NAPEPLD: variants seen among roughly 807,000 people sequenced by gnomAD.
The protein encoded by NAPEPLD is N-acyl phosphatidylethanolamine phospholipase D, also known as N-acyl-phosphatidylethanolamine-hydrolyzing phospholipase D.
In NAPEPLD, 23 loss-of-function variants were observed where a neutral mutation model predicts 38.1. That is an observed-to-expected ratio of 0.60 (90% CI 0.43 to 0.86). The LOEUF (loss-of-function observed/expected upper bound fraction) is 0.86. Among genes scored for constraint, NAPEPLD ranks in the 40% least tolerant of loss-of-function variants. The pLI, the probability that NAPEPLD is intolerant of heterozygous loss-of-function variation, is 0.00. For missense variants in NAPEPLD, 411 were observed against 476.8 expected, an observed-to-expected ratio of 0.86 and a Z score of 1.28; for synonymous variants, 147 against 162.0, an observed-to-expected ratio of 0.91 and a Z score of 0.71.
intron 4 of NAPEPLD, among the ~76,000 whole-genome samples, chr7:103,108,373 C>T (rs1803835127): frequency 6.6e-6 from 1 of 152,106 alleles, no homozygotes; most frequent in Non-Finnish European, 1.5e-5. Context: ...GAACTCCTGA[C>T]CTCATGATCT....
At chr7:103,107,963 T>A (rs1669591963) in intron 4 of NAPEPLD, among the ~76,000 whole-genome samples, 1 of 151,282 alleles carries the variant, frequency 6.6e-6, no homozygotes, top group African/African-American at 2.4e-5. Context: ...TCATCAAGGG[T>A]GAAATGAAGG....
chr7:103,144,348 T>C (rs768781754), intron 1 of NAPEPLD, among the ~76,000 whole-genome samples: 5 of 152,246 alleles, frequency 3.3e-5, no homozygotes, highest in Non-Finnish European at 7.3e-5. Context: ...TAAAAGGTAC[T>C]TGGGAGATGC....
At chr7:103,135,743 CTATA>C (rs10558828) in intron 1 of NAPEPLD, among the ~76,000 whole-genome samples, 55 of 149,638 alleles carry the variant, frequency 3.7e-4, no homozygotes, top group Middle Eastern at 3.4e-3. Flanking sequence ...ACATATAAAT[CTATA>C]TATATATATA....
intron 1 of NAPEPLD, among the ~76,000 whole-genome samples, chr7:103,138,126 C>T (rs371533188): frequency 2.0e-5 from 3 of 151,756 alleles, no homozygotes; most frequent in Admixed American, 6.6e-5. Context: ...TACAGGCATG[C>T]GCCACCAAGC....
intron 1 of NAPEPLD, among the ~76,000 whole-genome samples, chr7:103,145,616 AGGT>A (rs1812375107): frequency 6.6e-6 from 1 of 152,256 alleles, no homozygotes; most frequent in Non-Finnish European, 1.5e-5. Flanking sequence ...ATTCCCTCTA[AGGT>A]CCCTTCCAAC....
chr7:103,130,883 T>C (rs1002606002), intron 1 of NAPEPLD, among the ~76,000 whole-genome samples: 1 of 152,148 alleles, frequency 6.6e-6, no homozygotes, highest in Non-Finnish European at 1.5e-5. Context: ...TATAGCTAAA[T>C]TCTTTAAGTT....
chr7:103,103,262 C>T lies in NAPEPLD; in HGVS notation c.*167G>A. On this transcript the variant is annotated 3_prime_UTR_variant, in exon 5 of 5. Coordinates refer to ENST00000465647, the MANE Select transcript of NAPEPLD (RefSeq NM_001122838.3). ...TGAACCCTCTCATAGTGTACATGAG[C>T]TGATCATACTAGGAAGCAAGTTATT... The T allele has an allele frequency of 5.5e-6, 4 of 724,946 alleles. No homozygotes were observed. Among genetic ancestry groups the T allele is most frequent in the Non-Finnish European group, 8.6e-6 (4 of 463,800 alleles). 44.9% of individuals were successfully genotyped at this position (724,946 alleles called of 1,614,324 possible).
intron 4 of NAPEPLD, among the ~76,000 whole-genome samples, chr7:103,113,627 T>C (rs1804981439): frequency 4.9e-5 from 1 of 20,410 alleles, no homozygotes; most frequent in Admixed American, 1.0e-3. Context: ...AGAGTCTCAC[T>C]TTTTTTTTTT....
intron 4 of NAPEPLD, among the ~76,000 whole-genome samples, chr7:103,113,295 T>G (rs1804892683): frequency 6.6e-6 from 1 of 152,218 alleles, no homozygotes; most frequent in African/African-American, 2.4e-5. Context: ...ACCCTATGGT[T>G]AGTCATTATT....
At chr7:103,124,810 C>T (rs900177968) in intron 2 of NAPEPLD, among the ~76,000 whole-genome samples, 1 of 152,174 alleles carries the variant, frequency 6.6e-6, no homozygotes, top group African/African-American at 2.4e-5. Flanking sequence ...ACTGGGGTCA[C>T]TAAGAAATTT....
chr7:103,118,499 G>A (rs1333859987), intron 3 of NAPEPLD, among the ~76,000 whole-genome samples: 1 of 152,160 alleles, frequency 6.6e-6, no homozygotes, highest in Non-Finnish European at 1.5e-5. Flanking sequence ...TTTAGTGAAT[G>A]TAAAAATTTA....
chr7:103,120,011 C>T lies in NAPEPLD; in HGVS notation c.507G>A (p.Pro169=), dbSNP rs552610760. 50 of 1,614,110 alleles carry T rather than the reference C, an allele frequency of 3.1e-5. No individual in the cohort carries two copies. Among genetic ancestry groups the T allele is most frequent in the South Asian group, 2.9e-4 (26 of 91,078 alleles). The change falls in exon 3 of 5, where the codon CCG becomes CCA. Residue 169 remains proline (P), a synonymous_variant. Coordinates refer to ENST00000465647, the MANE Select transcript of NAPEPLD (RefSeq NM_001122838.3). ...YMGPKRFRRS[P]CTISELPPID... is the part of the protein sequence containing the mutation. ...TTGGAGGGAGTTCACTTATTGTGCA[C>T]GGGGAACGACGAAATCGCTTTGGAC...
upstream of NAPEPLD, chr7:103,149,588 T>G: frequency 1.1e-6 from 1 of 893,996 alleles, no homozygotes; most frequent in Non-Finnish European, 1.5e-6. Context: ...CTTACCAAGA[T>G]GGCCGCCCCT....
Position 103,114,117 on chromosome 7 carries a change from G to A in NAPEPLD, c.1056+943C>T, listed in dbSNP as rs540561927. ...TCGCCATGTTGGCCAGGCTGGTCTC[G>A]AACTCCTGACCTCAAGTGATCCACC... On this transcript the variant is annotated intron_variant, in intron 4 of 4. Transcript: ENST00000465647. 3.3e-5 allele frequency among the ~76,000 whole-genome samples: 5 copies of A among 151,702 alleles called. No individual in the cohort carries two copies. In the South Asian group the frequency reaches 6.2e-4, roughly 19 times the overall value.
At chr7:103,143,736 A>G (rs1455518571) in intron 1 of NAPEPLD, among the ~76,000 whole-genome samples, 8 of 152,220 alleles carry the variant, frequency 5.3e-5, no homozygotes, top group Non-Finnish European at 2.9e-5. Context: ...GGAAAAACAT[A>G]TTTGAGCAAT....
chr7:103,125,441 C>A (rs1807555556), intron 2 of NAPEPLD, among the ~76,000 whole-genome samples: 1 of 152,074 alleles, frequency 6.6e-6, no homozygotes. Flanking sequence ...GATATTATAA[C>A]CACTGTTAAC....
At chr7:103,121,074 TCA>T (rs1326870309) in intron 2 of NAPEPLD, among the ~76,000 whole-genome samples, 2 of 152,106 alleles carry the variant, frequency 1.3e-5, no homozygotes, top group Non-Finnish European at 2.9e-5. Context: ...CCTGGACAAA[TCA>T]CAGTCATAAA....
intron 4 of NAPEPLD, 47 bp downstream of exon 4, chr7:103,115,013 A>G (rs372808691): frequency 4.4e-4 from 633 of 1,423,796 alleles, no homozygotes; most frequent in Non-Finnish European, 6.0e-4. Flanking sequence ...CCTGAATCCT[A>G]TCATTGGTCA....
chr7:103,113,787 C>T (rs1463614904), intron 4 of NAPEPLD, among the ~76,000 whole-genome samples: 1 of 151,964 alleles, frequency 6.6e-6, no homozygotes, highest in Non-Finnish European at 1.5e-5. Flanking sequence ...CCTGCCACCA[C>T]GCCCAGCTAA....
Sources: allele counts gnomAD v4.1 joint callset (sites outside exome capture counted in the v4.1 genomes callset), GRCh38; gene constraint gnomAD v4.1.1; transcripts MANE v1.5; gene names NCBI Gene and HGNC (gene_info 2026-07-23, HGNC 2026-07-21).